Variants in MEP1A observed in about 807,000 individuals in gnomAD.
MEP1A encodes the protein meprin A subunit alpha.
A neutral mutation model predicts 84.5 loss-of-function variants in MEP1A; 68 were observed. The observed-to-expected ratio is 0.80, with a 90% CI of 0.66 to 0.98. The LOEUF is 0.98. Among genes scored for constraint, MEP1A ranks in the 50% least tolerant of loss-of-function variants. MEP1A has a pLI of 0.00. For synonymous variants in MEP1A, 337 were observed against 336.8 expected (o/e 1.00, Z -0.01); for missense variants, 887 against 919.9 (o/e 0.96, Z 0.46).
chr6:46,794,704 G>A (rs1241935764), intron 3 of MEP1A, among the ~76,000 whole-genome samples: 1 of 152,210 alleles, frequency 6.6e-6, no homozygotes, highest in Non-Finnish European at 1.5e-5. Flanking sequence ...GAAGGTAAAT[G>A]GGTGAATGCA....
In MEP1A at chr6:46,835,551, T is replaced by C. The variant is rs1309017553; in HGVS notation, c.2084+2T>C. The stretch of plus-strand genomic sequence containing the variant: ...CGTGAAGGGGATGGCGAGCTGCAGG[T>C]AGGCTCTGTGGCTGGGGAGACAGGC... On this transcript the variant is annotated splice_donor_variant, in intron 13 of 13. Transcript: ENST00000230588. LOFTEE classifies it high-confidence loss of function. The C allele has an allele frequency of 6.2e-7, 1 of 1,613,132 alleles. No homozygotes were observed. Among genetic ancestry groups the C allele is most frequent in the South Asian group, 1.1e-5 (1 of 90,864 alleles).
At chr6:46,831,095 T>C (rs1768064599) in intron 10 of MEP1A, among the ~76,000 whole-genome samples, 1 of 152,220 alleles carries the variant, frequency 6.6e-6, no homozygotes, top group Non-Finnish European at 1.5e-5. Flanking sequence ...TATGCCTGTG[T>C]ACGTTCCCTG....
chr6:46,828,174 A>T (rs768209676), intron 9 of MEP1A, among the ~76,000 whole-genome samples: 1 of 151,766 alleles, frequency 6.6e-6, no homozygotes, highest in Non-Finnish European at 1.5e-5. Context: ...ATGCTTCATA[A>T]TACACCTGGG....
At position 46,833,537 on chromosome 6, in the gene MEP1A, A is replaced by G; in HGVS notation, c.1608A>G (p.Pro536=). 1 of 1,612,572 alleles carries G rather than the reference A, an allele frequency of 6.2e-7. No individual in the cohort carries two copies. The highest frequency in any genetic ancestry group is 8.5e-7 in the Non-Finnish European group (1 of 1,178,878). Residue 536 remains proline, a splice_region_variant and synonymous_variant, in exon 11 of 14, where the codon CCA becomes CCG. Coordinates refer to ENST00000230588, the MANE Select transcript of MEP1A (RefSeq NM_005588.3). ...CTACCTCGAAGTCGCACACATCTCC[A>G]GGTGGGTGGTGTCAGCGCAAATAAG... is the stretch of plus-strand genomic sequence containing the variant. ...VFTTSKSHTS[P]AINDTVIWDR... is the part of the protein sequence containing the mutation.
chr6:46,812,879 G>T (rs889109332), intron 6 of MEP1A, among the ~76,000 whole-genome samples: 4 of 151,964 alleles, frequency 2.6e-5, no homozygotes, highest in Non-Finnish European at 5.9e-5. Context: ...TTGTTTTGTG[G>T]TCTATCATAT....
chr6:46,797,304 T>A (rs1304172672), intron 3 of MEP1A, among the ~76,000 whole-genome samples: 7 of 152,246 alleles, frequency 4.6e-5, no homozygotes, highest in Admixed American at 4.6e-4. Context: ...TGTTGCATTT[T>A]ACAGAAAATG....
At chr6:46,797,620 G>A (rs1249796760) in intron 3 of MEP1A, among the ~76,000 whole-genome samples, 2 of 152,036 alleles carry the variant, frequency 1.3e-5, no homozygotes, top group Non-Finnish European at 2.9e-5. Flanking sequence ...ATTTACTTTG[G>A]GACAAGAGGC....
downstream of MEP1A, among the ~76,000 whole-genome samples, chr6:46,839,970 T>G (rs1768304637): frequency 6.6e-6 from 1 of 152,056 alleles, no homozygotes; most frequent in African/African-American, 2.4e-5. Context: ...AGATATGCTT[T>G]CTTTCCATAG....
At chr6:46,831,630 C>T (rs930315616) in intron 10 of MEP1A, among the ~76,000 whole-genome samples, 1 of 152,172 alleles carries the variant, frequency 6.6e-6, no homozygotes, top group African/African-American at 2.4e-5. Flanking sequence ...CAGATTCCCC[C>T]ATCTCAACCT....
chr6:46,834,892 G>T (rs1768175958), intron 12 of MEP1A, 141 bp downstream of exon 12: 1 of 638,158 alleles, frequency 1.6e-6, no homozygotes, highest in African/African-American at 1.9e-5. Flanking sequence ...TTATTCAATT[G>T]GTCAAGGACT....
At chr6:46,793,598 C>G in intron 2 of MEP1A, 22 bp downstream of exon 2, 1 of 1,563,194 alleles carries the variant, frequency 6.4e-7, no homozygotes, top group Non-Finnish European at 8.8e-7. Flanking sequence ...TTCAAATGCA[C>G]AGAGAGTGTT....
intron 5 of MEP1A, among the ~76,000 whole-genome samples, chr6:46,802,743 A>G (rs1367300202): frequency 1.3e-5 from 2 of 151,848 alleles, no homozygotes; most frequent in African/African-American, 4.8e-5. Context: ...TTCATCATGA[A>G]TAGTTGTTAC....
intron 7 of MEP1A, among the ~76,000 whole-genome samples, chr6:46,824,745 T>C (rs1767870106): frequency 1.6e-5 from 1 of 62,634 alleles, no homozygotes; most frequent in Non-Finnish European, 3.7e-5. Flanking sequence ...TGTATTTAAA[T>C]AGATGTATTT....
chr6:46,830,654 A>T (rs981682633), intron 10 of MEP1A, among the ~76,000 whole-genome samples: 6 of 152,196 alleles, frequency 3.9e-5, no homozygotes, highest in African/African-American at 1.4e-4. Flanking sequence ...ATCAATTGAA[A>T]TGAGTCCAGG....
chr6:46,829,368 T>G lies in MEP1A; in HGVS notation c.941T>G (p.Phe314Cys), dbSNP rs756399547. The change falls in exon 10 of 14, where the codon TTC becomes TGC. Residue 314 changes from phenylalanine to cysteine, a missense_variant. By Grantham distance (205) the Phe-to-Cys change is radical. Coordinates refer to ENST00000230588, the MANE Select transcript of MEP1A (RefSeq NM_005588.3). ...GCTCTTTCCATAGGTGCCGGCTACT[T>G]CATGCAGTTCAGCACCAGCTCGGGG... is the stretch of plus-strand genomic sequence containing the variant. Reference protein sequence around the residue: ...LLGQCTGAGYFMQFSTSSGSA... With the variant: ...LLGQCTGAGYCMQFSTSSGSA... 2.5e-6 allele frequency: 4 copies of G among 1,613,366 alleles called. No homozygotes were observed. Among genetic ancestry groups the G allele is most frequent in the South Asian group, 1.1e-5 (1 of 91,022 alleles).
chr6:46,835,407 C>A lies in MEP1A; in HGVS notation c.1942C>A (p.Pro648Thr), dbSNP rs763588618. ...ALPVSLSQGQ[P>T]SRQKRSVENT... Reference sequence around the variant, plus strand: ...ACCTGTCAGCCTGAGCCAGGGGCAGCCCAGCCGACAGAAGCGGTCGGTGGA... The same window carrying A: ...ACCTGTCAGCCTGAGCCAGGGGCAGACCAGCCGACAGAAGCGGTCGGTGGA... The change falls in exon 13 of 14, where the codon CCC (proline) becomes ACC (threonine). Residue 648 changes from proline to threonine, a missense_variant. By Grantham distance (38) the Pro-to-Thr change is conservative (BLOSUM62 -1). Coordinates refer to ENST00000230588, the MANE Select transcript of MEP1A (RefSeq NM_005588.3). The A allele has an allele frequency of 6.2e-7, 1 of 1,612,354 alleles. No individual in the cohort carries two copies. The highest frequency in any genetic ancestry group is 1.1e-5 in the South Asian group (1 of 90,680).
At chr6:46,825,981 A>G (rs182590499) in intron 8 of MEP1A, among the ~76,000 whole-genome samples, 1 of 152,298 alleles carries the variant, frequency 6.6e-6, no homozygotes, top group African/African-American at 2.4e-5. Flanking sequence ...TTTTCTAAAG[A>G]TGATCCCCCT....
intron 6 of MEP1A, among the ~76,000 whole-genome samples, chr6:46,816,903 G>C (rs1351056092): frequency 6.6e-6 from 1 of 152,180 alleles, no homozygotes; most frequent in Non-Finnish European, 1.5e-5. Flanking sequence ...CAGGAGCCTG[G>C]TGATGGAGAG....
intron 5 of MEP1A, among the ~76,000 whole-genome samples, chr6:46,800,510 A>G (rs1767175645): frequency 6.6e-6 from 1 of 152,168 alleles, no homozygotes; most frequent in Non-Finnish European, 1.5e-5. Flanking sequence ...TATATTTGAG[A>G]GTGATTTGAG....
Sources: gnomAD v4.1 joint callset for allele counts (sites outside exome capture counted in the v4.1 genomes callset) on GRCh38, gnomAD v4.1.1 for gene constraint, MANE v1.5 for transcripts, NCBI Gene and HGNC (gene_info 2026-07-23, HGNC 2026-07-21) for gene names.